LRRC4C: variants seen among roughly 807,000 people sequenced by gnomAD.
LRRC4C encodes the protein leucine-rich repeat-containing protein 4C.
LRRC4C carries 5 observed loss-of-function variants against 33.6 expected under a neutral mutation model. The observed-to-expected ratio is 0.15, with a 90% confidence interval of 0.08 to 0.31. The LOEUF is 0.31. Among genes scored for constraint, LRRC4C ranks in the 10% least tolerant of loss-of-function variants. LRRC4C has a pLI of 1.00. For missense variants in LRRC4C, 560 were observed against 796.7 expected (o/e 0.70, Z 3.58); for synonymous variants, 329 against 302.0 (o/e 1.09, Z -0.93).
chr11:40,403,414 C>T (rs1178273350), intron 3 of LRRC4C, among the ~76,000 whole-genome samples: 1 of 152,050 alleles, frequency 6.6e-6, no homozygotes, highest in East Asian at 1.9e-4. Context: ...CCAAGTTGTG[C>T]AAAATGCAAA....
intron 1 of LRRC4C, among the ~76,000 whole-genome samples, chr11:41,041,824 A>G (rs566225829): frequency 6.6e-6 from 1 of 152,272 alleles, no homozygotes; most frequent in South Asian, 2.1e-4. Flanking sequence ...GCTTGTACTC[A>G]TACACTCAAA....
intron 2 of LRRC4C, among the ~76,000 whole-genome samples, chr11:40,873,027 G>A (rs761426906): frequency 1.2e-4 from 19 of 152,134 alleles, no homozygotes; most frequent in Non-Finnish European, 2.6e-4. Context: ...AAATATCTCA[G>A]TAGGACTGCA....
intron 2 of LRRC4C, among the ~76,000 whole-genome samples, chr11:40,666,344 C>T (rs551310724): frequency 6.6e-6 from 1 of 152,148 alleles, no homozygotes; most frequent in East Asian, 1.9e-4. Context: ...AGGGTATAAA[C>T]GTACTTCTGG....
chr11:40,114,333 T>C lies in LRRC4C; in HGVS notation c.*37A>G. The C allele has an allele frequency of 4.6e-6, 7 of 1,522,484 alleles. No individual in the cohort carries two copies. The highest frequency in any genetic ancestry group is 6.2e-6 in the Non-Finnish European group (7 of 1,137,684). 94.3% of individuals were successfully genotyped at this position (1,522,484 alleles called of 1,614,324 possible). A position where few individuals can be genotyped will look rare whatever the true frequency, so the allele number is the denominator to read the frequency against. ...TGTCATTTTTAATAAACTGTCTTTT[T>C]TTTTGATTGTTTGTTTTTTGTAACT... On this transcript the variant is annotated 3_prime_UTR_variant, in exon 7 of 7. Coordinates refer to ENST00000528697, the MANE Select transcript of LRRC4C (RefSeq NM_001258419.2).
At chr11:41,268,481 G>A (rs546755370) in intron 1 of LRRC4C, among the ~76,000 whole-genome samples, 3 of 152,088 alleles carry the variant, frequency 2.0e-5, no homozygotes, top group Non-Finnish European at 2.9e-5. Flanking sequence ...TACACTTCAG[G>A]TAATGCTATC....
intron 1 of LRRC4C, among the ~76,000 whole-genome samples, chr11:41,203,102 C>T (rs1946466212): frequency 6.6e-6 from 1 of 152,170 alleles, no homozygotes; most frequent in Non-Finnish European, 1.5e-5. Flanking sequence ...TGATTTCTTT[C>T]TTCAGTTTCT....
intron 1 of LRRC4C, among the ~76,000 whole-genome samples, chr11:41,147,756 C>T (rs545587805): frequency 2.6e-5 from 4 of 152,060 alleles, no homozygotes; most frequent in Non-Finnish European, 4.4e-5. Context: ...AGACATTTAT[C>T]AAAGAAGATA....
intron 2 of LRRC4C, among the ~76,000 whole-genome samples, chr11:40,889,020 G>A (rs1438572430): frequency 1.3e-5 from 2 of 151,924 alleles, no homozygotes; most frequent in African/African-American, 4.8e-5. Flanking sequence ...AGGGCAATTT[G>A]GAAATACCTA....
At chr11:40,381,145 G>A (rs1379828460) in intron 3 of LRRC4C, among the ~76,000 whole-genome samples, 1 of 151,088 alleles carries the variant, frequency 6.6e-6, no homozygotes, top group East Asian at 1.9e-4. Flanking sequence ...GGATTAATTC[G>A]ACCTAGACAA....
intron 1 of LRRC4C, among the ~76,000 whole-genome samples, chr11:41,247,936 A>T (rs903194240): frequency 2.0e-5 from 3 of 151,896 alleles, no homozygotes; most frequent in Admixed American, 1.3e-4. Flanking sequence ...AGCTCTTTGG[A>T]CTCTTGATGC....
chr11:41,210,235 C>T (rs182113789), intron 1 of LRRC4C, among the ~76,000 whole-genome samples: 10 of 152,134 alleles, frequency 6.6e-5, no homozygotes, highest in African/African-American at 2.4e-4. Flanking sequence ...GTGTCTTCAC[C>T]CAAATCTCAT....
chr11:41,101,442 A>G (rs753902265), intron 1 of LRRC4C, among the ~76,000 whole-genome samples: 20 of 152,192 alleles, frequency 1.3e-4, no homozygotes, highest in Non-Finnish European at 2.6e-4. Context: ...CGAAACCACA[A>G]TGAGATACCA....
At chr11:40,308,932 C>T (rs1240398763) in intron 4 of LRRC4C, among the ~76,000 whole-genome samples, 1 of 152,164 alleles carries the variant, frequency 6.6e-6, no homozygotes, top group Non-Finnish European at 1.5e-5. Flanking sequence ...ATGGGCTGCA[C>T]CATCCATATT....
intron 3 of LRRC4C, among the ~76,000 whole-genome samples, chr11:40,598,263 C>A (rs1195490647): frequency 6.6e-6 from 1 of 152,200 alleles, no homozygotes; most frequent in Non-Finnish European, 1.5e-5. Flanking sequence ...CTTTCTTCTA[C>A]TCAGTCACAT....
rs1224350338 is a variant in LRRC4C, at chr11:40,615,622, A to G, written c.-270+32520T>C. Among the ~76,000 whole-genome samples, 3 of 151,768 alleles carry G rather than the reference A, an allele frequency of 2.0e-5. No individual in the cohort carries two copies. In the East Asian group the frequency reaches 5.8e-4, roughly 29 times the overall value. On this transcript the variant is annotated intron_variant, in intron 3 of 6. Transcript: ENST00000528697. ...TGTTCTCACAGCATTAAATAAATGT[A>G]CTAAGTTAGAAAGGTGAGGGCATTT...
intron 6 of LRRC4C, among the ~76,000 whole-genome samples, chr11:40,120,613 T>G (rs1855754863): frequency 6.6e-6 from 1 of 151,938 alleles, no homozygotes; most frequent in Non-Finnish European, 1.5e-5. Flanking sequence ...AGGGTTGGGG[T>G]CCCAGGGTCC....
At chr11:40,836,213 C>T (rs1356452046) in intron 2 of LRRC4C, among the ~76,000 whole-genome samples, 1 of 152,122 alleles carries the variant, frequency 6.6e-6, no homozygotes, top group East Asian at 1.9e-4. Flanking sequence ...AAATGTAGAC[C>T]TCCTGTTACA....
intron 1 of LRRC4C, among the ~76,000 whole-genome samples, chr11:41,252,181 A>G (rs1948660448): frequency 6.6e-6 from 1 of 152,214 alleles, no homozygotes; most frequent in South Asian, 2.1e-4. Context: ...AAAAAGCAGG[A>G]GGGTTTTAAG....
chr11:40,764,947 T>C (rs1420608559), intron 2 of LRRC4C, among the ~76,000 whole-genome samples: 1 of 152,084 alleles, frequency 6.6e-6, no homozygotes, highest in African/African-American at 2.4e-5. Context: ...CTCAATTCCA[T>C]TTGAATTATT....
Sources: gnomAD v4.1 joint callset for allele counts (sites outside exome capture counted in the v4.1 genomes callset) on GRCh38, gnomAD v4.1.1 for gene constraint, MANE v1.5 for transcripts, NCBI Gene and HGNC (gene_info 2026-07-23, HGNC 2026-07-21) for gene names.